SEMA6D: variants seen among roughly 807,000 people sequenced by gnomAD.
The protein encoded by SEMA6D is semaphorin-6D.
In SEMA6D, 35 loss-of-function variants were observed where a neutral mutation model predicts 106.6. That is an observed-to-expected ratio of 0.33 (90% CI 0.25 to 0.44). The LOEUF is 0.44. Among genes scored for constraint, SEMA6D ranks in the 20% least tolerant of loss-of-function variants. The pLI is 1.00. For missense variants in SEMA6D, 1,185 were observed against 1,345.9 expected, an observed-to-expected ratio of 0.88 and a Z score of 1.87; for synonymous variants, 499 against 487.7, an observed-to-expected ratio of 1.02 and a Z score of -0.31.
chr15:47,434,827 T>G (rs1378322030), intron 2 of SEMA6D, among the ~76,000 whole-genome samples: 1 of 152,110 alleles, frequency 6.6e-6, no homozygotes, highest in African/African-American at 2.4e-5. Flanking sequence ...AATATGTGTG[T>G]TTATATCAGT....
chr15:47,571,860 TACA>T (rs2142911225), intron 3 of SEMA6D, among the ~76,000 whole-genome samples: 1 of 152,336 alleles, frequency 6.6e-6, no homozygotes, highest in Non-Finnish European at 1.5e-5. Flanking sequence ...TGTGTACATG[TACA>T]TCCTTTAGTT....
chr15:47,196,861 G>A (rs1894396891), intron 1 of SEMA6D, among the ~76,000 whole-genome samples: 1 of 152,170 alleles, frequency 6.6e-6, no homozygotes, highest in African/African-American at 2.4e-5. Context: ...AATTATAGAA[G>A]ACAACCAACA....
intron 3 of SEMA6D, among the ~76,000 whole-genome samples, chr15:47,482,810 G>A (rs2043190455): frequency 6.6e-6 from 1 of 152,054 alleles, no homozygotes; most frequent in African/African-American, 2.4e-5. Flanking sequence ...TTAGATCTAT[G>A]TTAATGGGAA....
intron 1 of SEMA6D, among the ~76,000 whole-genome samples, chr15:47,400,019 GAAT>G (rs986836724): frequency 5.3e-5 from 8 of 152,120 alleles, no homozygotes; most frequent in Non-Finnish European, 1.2e-4. Flanking sequence ...TGTTTGTTTT[GAAT>G]AATTTTATTT....
intron 1 of SEMA6D, among the ~76,000 whole-genome samples, chr15:47,368,476 A>AT (rs944927218): frequency 8.3e-5 from 7 of 84,428 alleles, no homozygotes; most frequent in Admixed American, 2.4e-4. Flanking sequence ...TTATTTATTT[A>AT]TTTATTTTTT....
chr15:47,565,422 T>A (rs1273092635), intron 3 of SEMA6D, among the ~76,000 whole-genome samples: 2 of 152,160 alleles, frequency 1.3e-5, no homozygotes, highest in South Asian at 4.1e-4. Context: ...CCACTTCATT[T>A]GCTCACACAC....
rs766481789 is a variant in SEMA6D at position 47,760,360 on chromosome 15, A to G, written c.166A>G (p.Arg56Gly). The G allele has an allele frequency of 1.9e-6, 3 of 1,613,734 alleles. No homozygotes were observed. The highest frequency in any genetic ancestry group is 2.5e-6 in the Non-Finnish European group (3 of 1,179,710). Residue 56 changes from arginine (R) to glycine (G), a missense_variant, in exon 3 of 19, where the codon AGG becomes GGG. Coordinates refer to ENST00000536845, the MANE Select transcript of SEMA6D (RefSeq NM_001358351.3). ...CCCTTCAGGCAATGAATCGCAGCAC[A>G]GGCTGGACTTTCAGCTGATGTTGAA... ...GRPSGNESQH[R>G]LDFQLMLKIR... is the part of the protein sequence containing the mutation.
intron 1 of SEMA6D, among the ~76,000 whole-genome samples, chr15:47,210,404 G>T (rs566135679): frequency 3.9e-5 from 6 of 151,980 alleles, no homozygotes; most frequent in African/African-American, 1.5e-4. Flanking sequence ...GGTATACTTG[G>T]CCATGTGATA....
intron 3 of SEMA6D, among the ~76,000 whole-genome samples, chr15:47,545,766 A>T (rs1364842655): frequency 6.6e-6 from 1 of 152,274 alleles, no homozygotes; most frequent in African/African-American, 2.4e-5. Flanking sequence ...AATGAAGGAA[A>T]GAAGCCCTGG....
chr15:47,405,403 T>C (rs1388135604), intron 1 of SEMA6D, among the ~76,000 whole-genome samples: 1 of 151,942 alleles, frequency 6.6e-6, no homozygotes, highest in East Asian at 1.9e-4. Context: ...TCTGAGTCCA[T>C]CCTAAACATC....
At chr15:47,360,441 A>C (rs561874030) in intron 1 of SEMA6D, among the ~76,000 whole-genome samples, 12 of 152,358 alleles carry the variant, frequency 7.9e-5, no homozygotes, top group African/African-American at 2.9e-4. Context: ...GTAAAATTTA[A>C]AATTCAGCTT....
chr15:47,627,806 G>A (rs1178764913), intron 4 of SEMA6D, among the ~76,000 whole-genome samples: 7 of 151,748 alleles, frequency 4.6e-5, no homozygotes, highest in Non-Finnish European at 1.0e-4. Context: ...ATCACTGCAG[G>A]GACTCCTCCT....
At chr15:47,522,230 C>T (rs937926546) in intron 3 of SEMA6D, among the ~76,000 whole-genome samples, 19 of 152,178 alleles carry the variant, frequency 1.2e-4, no homozygotes, top group Admixed American at 1.2e-3. Flanking sequence ...AATAACAATG[C>T]AAAGCATTTG....
chr15:47,384,910 C>T (rs967856203), intron 1 of SEMA6D, among the ~76,000 whole-genome samples: 3 of 136,742 alleles, frequency 2.2e-5, no homozygotes, highest in Non-Finnish European at 3.0e-5. Flanking sequence ...CTCACTCCTC[C>T]TGCTTCTCTC....
chr15:47,672,976 T>C (rs1206051923), intron 4 of SEMA6D, among the ~76,000 whole-genome samples: 3 of 152,294 alleles, frequency 2.0e-5, no homozygotes, highest in East Asian at 3.9e-4. Flanking sequence ...CCAACCCCTA[T>C]AGCTTCTGGT....
chr15:47,477,959 A>G (rs962487262), intron 3 of SEMA6D, among the ~76,000 whole-genome samples: 5 of 152,182 alleles, frequency 3.3e-5, no homozygotes, highest in Non-Finnish European at 4.4e-5. Context: ...GCTTGAAGTT[A>G]CAGCAAAAGT....
chr15:47,216,993 G>A (rs1779600333), intron 1 of SEMA6D, among the ~76,000 whole-genome samples: 3 of 152,128 alleles, frequency 2.0e-5, no homozygotes, highest in South Asian at 4.1e-4. Flanking sequence ...AAGTGATTAG[G>A]TCATGAGACC....
chr15:47,184,603 C>T (rs1595708360), intron 1 of SEMA6D, among the ~76,000 whole-genome samples: 1 of 152,044 alleles, frequency 6.6e-6, no homozygotes, highest in South Asian at 2.1e-4. Context: ...GCCCGCCGCC[C>T]GGTTCCCGTG....
At chr15:47,609,229 A>G (rs1204265526) in intron 4 of SEMA6D, among the ~76,000 whole-genome samples, 2 of 152,204 alleles carry the variant, frequency 1.3e-5, no homozygotes, top group African/African-American at 2.4e-5. Flanking sequence ...TTTACAGCCC[A>G]TTACATAGAT....
Sources: gnomAD v4.1 joint callset for allele counts (sites outside exome capture counted in the v4.1 genomes callset) on GRCh38, gnomAD v4.1.1 for gene constraint, MANE v1.5 for transcripts, NCBI Gene and HGNC (gene_info 2026-07-23, HGNC 2026-07-21) for gene names.